The following CSF2RA variants were observed in gnomAD, a reference collection of about 807,000 sequenced individuals.
The protein encoded by CSF2RA is colony stimulating factor 2 receptor subunit alpha.
CSF2RA carries 42 observed loss-of-function variants against 51.6 expected under a neutral mutation model. The ratio of observed to expected loss-of-function variants is 0.81; its 90% CI spans 0.64 to 1.05. The LOEUF (loss-of-function observed/expected upper bound fraction) is 1.05, where lower values mean the gene tolerates loss of function less well. CSF2RA is among the 50% of genes least tolerant of loss of function. CSF2RA has a pLI of 0.00. For missense variants in CSF2RA, 530 were observed against 501.1 expected, an observed-to-expected ratio of 1.06 and a Z score of -0.55; for synonymous variants, 222 against 193.0, an observed-to-expected ratio of 1.15 and a Z score of -1.24.
At chrX:1,315,122 G>A (rs186463386), downstream of CSF2RA, among the ~76,000 whole-genome samples, 2 of 152,000 alleles carry the variant, frequency 1.3e-5, no homozygotes, top group African/African-American at 4.8e-5. Context: ...GTCACACTGT[G>A]GGGGGGAGGG....
At chrX:1,292,002 G>T (rs1235647845) in intron 7 of CSF2RA, among the ~76,000 whole-genome samples, 3 of 146,550 alleles carry the variant, frequency 2.0e-5, no homozygotes, top group African/African-American at 7.4e-5. Context: ...AGACAAAGAG[G>T]TGTCCCTACT....
intron 10 of CSF2RA, among the ~76,000 whole-genome samples, chrX:1,302,216 G>A (rs1204381828): frequency 3.3e-5 from 5 of 151,938 alleles, no homozygotes; most frequent in African/African-American, 4.8e-5. Flanking sequence ...CTGCCCGTCC[G>A]GGGAAGCTCT....
chrX:1,280,165 A>G (rs2089711156), intron 2 of CSF2RA, among the ~76,000 whole-genome samples: 2 of 152,006 alleles, frequency 1.3e-5, no homozygotes, highest in Non-Finnish European at 2.9e-5. Flanking sequence ...CCAGGTGCAG[A>G]TGCTTGAACT....
chrX:1,305,842 A>T (rs1391853774), intron 12 of CSF2RA: 1 of 1,498,310 alleles, frequency 6.7e-7, no homozygotes, highest in Non-Finnish European at 9.1e-7. Context: ...GCACTTTGGG[A>T]GGTTGAGGCA....
Position 1,284,823 on chromosome X carries a change from T to C in CSF2RA, c.77-955T>C, listed in dbSNP as rs1242014834. ...GGGATTACAGGTACCCGCCACCATG[T>C]CCACCTAATTTTTTTGTATTTTTAG... On this transcript the variant is annotated intron_variant, in intron 3 of 12. Transcript: ENST00000381529. Among the ~76,000 whole-genome samples the C allele has an allele frequency of 6.6e-5, 10 of 151,950 alleles. No individual in the cohort carries two copies. In the South Asian group the frequency reaches 2.1e-3, roughly 32 times the overall value.
In CSF2RA at chrX:1,291,581, G is replaced by A. The variant is rs190390425; in HGVS notation, c.646+1072G>A. Among the ~76,000 whole-genome samples, 302 of 151,944 alleles carry A rather than the reference G, an allele frequency of 2.0e-3. 4 individuals are homozygous for A. The highest frequency in any genetic ancestry group is 0.016 in the Admixed American group (242 of 15,198). On this transcript the variant is annotated intron_variant, in intron 7 of 12. Transcript: ENST00000381529. The stretch of plus-strand genomic sequence containing the variant: ...TCCCACCCGTGGACTCCTTCATCCC[G>A]TTGGACGTTCCCAGCCTCTTCAGGC...
At position 1,290,393 on chromosome X, in the gene CSF2RA, G is replaced by C. The variant is rs142203271; in HGVS notation, c.530G>C (p.Gly177Ala). 1.5e-4 allele frequency: 235 copies of C among 1,613,188 alleles called. No homozygotes were observed. Among genetic ancestry groups the C allele is most frequent in the Non-Finnish European group, 1.9e-4 (226 of 1,179,306 alleles). The change falls in exon 7 of 13, where the codon GGA becomes GCA. Residue 177 changes from glycine to alanine, a missense_variant. Physicochemically the swap from Gly to Ala is moderately conservative, Grantham distance 60. Coordinates refer to ENST00000381529, the MANE Select transcript of CSF2RA (RefSeq NM_172245.4). ...ATACAAGACTCAGGAACCCATGTGG[G>C]ATGTCACCTGGATAACCTGTCAGGA... ...YYIQDSGTHV[G>A]CHLDNLSGLT...
At position 1,288,800 on chromosome X, in the gene CSF2RA, T is replaced by C; in HGVS notation, c.385T>C (p.Tyr129His). ...TAAQNFSCFI[Y>H]NADLMNCTWA... ...TGCTCAGAATTTCTCCTGTTTCATC[T>C]ACAATGCGGATTTAATGAACTGTAC... The change falls in exon 6 of 13, where the codon TAC (tyrosine) becomes CAC (histidine). Residue 129 changes from tyrosine (Y) to histidine (H), a missense_variant. Coordinates refer to ENST00000381529, the MANE Select transcript of CSF2RA (RefSeq NM_172245.4). 1 of 1,613,938 alleles carries C rather than the reference T, an allele frequency of 6.2e-7. No individual in the cohort carries two copies. The highest frequency in any genetic ancestry group is 8.5e-7 in the Non-Finnish European group (1 of 1,179,868).
chrX:1,305,872 G>C, intron 12 of CSF2RA: 5 of 1,328,092 alleles, frequency 3.8e-6, no homozygotes, highest in Non-Finnish European at 5.3e-6. Context: ...TCTGAGGTCA[G>C]AGGTTCGAGA....
chrX:1,278,006 C>G (rs76120992), intron 2 of CSF2RA, among the ~76,000 whole-genome samples: 40,822 of 142,382 alleles, frequency 0.29, 7,378 homozygotes, highest in Non-Finnish European at 0.4. Context: ...TCAGGGCGAG[C>G]AAGTTTATTA....
At chrX:1,282,803 C>G (rs368542996) in intron 3 of CSF2RA, 24 bp downstream of exon 3, 194 of 1,596,426 alleles carry the variant, frequency 1.2e-4, no homozygotes, top group Middle Eastern at 3.3e-4. Context: ...CCTGGCTGAA[C>G]CTTCTCCGCG....
In CSF2RA at chrX:1,290,514, G is replaced by A. The variant is rs1357905995; in HGVS notation, c.646+5G>A. 1 of 1,612,810 alleles carries A rather than the reference G, an allele frequency of 6.2e-7. No homozygotes were observed. Among genetic ancestry groups the A allele is most frequent in the African/African-American group, 1.3e-5 (1 of 74,878 alleles). ...TTTTGGACACAAAGAAAATAGGTGAGAATAACACATATGATTTTCCTATTG... is the reference window on the plus strand; with the variant it reads ...TTTTGGACACAAAGAAAATAGGTGAAAATAACACATATGATTTTCCTATTG... On this transcript the variant is annotated splice_donor_5th_base_variant and intron_variant, in intron 7 of 12. Transcript: ENST00000381529.
At chrX:1,286,585 A>G (rs1396018548) in intron 4 of CSF2RA, among the ~76,000 whole-genome samples, 3 of 144,714 alleles carry the variant, frequency 2.1e-5, no homozygotes, top group Admixed American at 1.4e-4. Flanking sequence ...AAAAAAAAAA[A>G]TAATAAATTC....
At chrX:1,287,017 G>A (rs1231554876) in intron 4 of CSF2RA, among the ~76,000 whole-genome samples, 3 of 151,904 alleles carry the variant, frequency 2.0e-5, no homozygotes, top group Non-Finnish European at 4.4e-5. Flanking sequence ...ATGGATGATC[G>A]ATAGATAGGT....
intron 1 of CSF2RA, among the ~76,000 whole-genome samples, 197 bp from the exon 2 acceptor site, chrX:1,274,558 C>T (rs1346528853): frequency 2.4e-4 from 36 of 147,856 alleles, no homozygotes; most frequent in Middle Eastern, 3.7e-3. Context: ...CTCCTGGCCT[C>T]AAATGATCCA....
At chrX:1,287,925 C>CG (rs1374475049) in intron 4 of CSF2RA, among the ~76,000 whole-genome samples, 2 of 145,116 alleles carry the variant, frequency 1.4e-5, no homozygotes, top group Non-Finnish European at 3.0e-5. Flanking sequence ...TTAGTAGAGA[C>CG]GGGGTTTCAC....
At chrX:1,312,437 T>A (rs1417312976), downstream of CSF2RA, among the ~76,000 whole-genome samples, 4 of 152,044 alleles carry the variant, frequency 2.6e-5, no homozygotes, top group Non-Finnish European at 5.9e-5. Flanking sequence ...TGGACATCTT[T>A]GGGACCATTA....
chrX:1,273,492 T>C (rs1432347653), intron 1 of CSF2RA, among the ~76,000 whole-genome samples: 2 of 150,580 alleles, frequency 1.3e-5, no homozygotes, highest in Admixed American at 6.7e-5. Flanking sequence ...TTGTTTTTTG[T>C]TTTTTGTTTT....
intron 9 of CSF2RA, 73 bp from the exon 10 acceptor site, chrX:1,300,418 A>G: frequency 6.4e-7 from 1 of 1,560,740 alleles, no homozygotes; most frequent in Non-Finnish European, 8.7e-7. Context: ...TTAAAAGACA[A>G]AAGAACGAAA....
Sources: gnomAD v4.1 joint callset for allele counts (sites outside exome capture counted in the v4.1 genomes callset) on GRCh38, gnomAD v4.1.1 for gene constraint, MANE v1.5 for transcripts, NCBI Gene and HGNC (gene_info 2026-07-23, HGNC 2026-07-21) for gene names.